Variants in ITPR2 observed in about 807,000 individuals in gnomAD.
The protein encoded by ITPR2 is inositol 1,4,5-trisphosphate-gated calcium channel ITPR2.
In ITPR2, 207 loss-of-function variants were observed where a neutral mutation model predicts 317.1. The ratio of observed to expected loss-of-function variants is 0.65; its 90% CI spans 0.58 to 0.73. ITPR2 has a LOEUF of 0.73. Among genes scored for constraint, ITPR2 ranks in the 30% least tolerant of loss-of-function variants. The pLI is 0.00. For synonymous variants in ITPR2, 1,156 were observed against 1,149.1 expected (o/e 1.01, Z -0.12); for missense variants, 2,613 against 3,284.0 (o/e 0.80, Z 4.99).
chr12:26,628,037 T>C lies in ITPR2; in HGVS notation c.3060A>G (p.Pro1020=). ...AATACTGTCACAAAAAGATACCTGA[T>C]GGTAGTAAAGTGTCTGGAGATCCAC... is the stretch of plus-strand genomic sequence containing the variant. ...SASGSPDTLL[P]SAIVPDIDEI... The change falls in exon 23 of 57, where the codon CCA becomes CCG. Residue 1020 remains proline (P), a synonymous_variant. Coordinates refer to ENST00000381340, the MANE Select transcript of ITPR2 (RefSeq NM_002223.4). 3 of 1,604,862 alleles carry C rather than the reference T, an allele frequency of 1.9e-6. No individual in the cohort carries two copies. Among genetic ancestry groups the C allele is most frequent in the African/African-American group, 1.3e-5 (1 of 74,490 alleles).
intron 30 of ITPR2, among the ~76,000 whole-genome samples, chr12:26,598,791 T>G (rs1485009523): frequency 2.6e-5 from 4 of 152,188 alleles, no homozygotes; most frequent in African/African-American, 9.7e-5. Context: ...ATAAAGGCAC[T>G]GGAAAAGCAC....
chr12:26,379,758 C>T (rs1322432707), intron 55 of ITPR2, among the ~76,000 whole-genome samples: 1 of 152,094 alleles, frequency 6.6e-6, no homozygotes. Context: ...TTCTAACTGG[C>T]CCATTATACA....
At chr12:26,587,314 G>A (rs1945554590) in intron 32 of ITPR2, among the ~76,000 whole-genome samples, 1 of 150,852 alleles carries the variant, frequency 6.6e-6, no homozygotes, top group South Asian at 2.1e-4. Flanking sequence ...AATGTCAGGT[G>A]GTAATAAATT....
At chr12:26,819,098 G>A (rs989254767) in intron 1 of ITPR2, among the ~76,000 whole-genome samples, 1 of 152,154 alleles carries the variant, frequency 6.6e-6, no homozygotes, top group African/African-American at 2.4e-5. Flanking sequence ...TAGGATGTTA[G>A]AACCAGAAGA....
chr12:26,359,792 A>G (rs1938764189), intron 55 of ITPR2, among the ~76,000 whole-genome samples: 1 of 152,072 alleles, frequency 6.6e-6, no homozygotes, highest in African/African-American at 2.4e-5. Context: ...TTCAGGGACA[A>G]GCACATGGCG....
chr12:26,736,159 G>T (rs1207631474), intron 2 of ITPR2, among the ~76,000 whole-genome samples: 1 of 152,084 alleles, frequency 6.6e-6, no homozygotes, highest in Non-Finnish European at 1.5e-5. Flanking sequence ...GTGGGGGGAG[G>T]TCTCCTATCA....
At chr12:26,578,638 T>G in intron 34 of ITPR2, 75 bp downstream of exon 34, 1 of 1,338,338 alleles carries the variant, frequency 7.5e-7, no homozygotes, top group Non-Finnish European at 1.0e-6. Flanking sequence ...GGGAAGCTGC[T>G]TGTGTTGCCC....
At chr12:26,486,668 T>C in intron 40 of ITPR2, 1 of 510,276 alleles carries the variant, frequency 2.0e-6, no homozygotes, top group South Asian at 1.7e-5. Flanking sequence ...CTTCAAAATG[T>C]TAATGTCTTT....
At chr12:26,387,669 C>T (rs1939705013) in intron 54 of ITPR2, 75 bp from the exon 55 acceptor site, 10 of 1,379,634 alleles carry the variant, frequency 7.2e-6, no homozygotes, top group Non-Finnish European at 9.9e-6. Context: ...AAAAACAAAA[C>T]ACAATAATTA....
chr12:26,537,745 T>C (rs139801046), intron 37 of ITPR2, among the ~76,000 whole-genome samples: 3,009 of 152,318 alleles, frequency 0.02, 71 homozygotes, highest in Non-Finnish European at 0.035. Flanking sequence ...AGTAATATAG[T>C]CTATATTGAG....
chr12:26,499,219 T>C (rs548990673), intron 37 of ITPR2, among the ~76,000 whole-genome samples: 4 of 152,354 alleles, frequency 2.6e-5, no homozygotes, highest in Admixed American at 2.6e-4. Flanking sequence ...TATTTTTAAA[T>C]TCTCTTCGGC....
chr12:26,387,295 CA>C, intron 55 of ITPR2, 138 bp downstream of exon 55: 1 of 777,082 alleles, frequency 1.3e-6, no homozygotes. Context: ...AGATGTTCTT[CA>C]GTGATTGACA....
At chr12:26,592,578 T>C (rs952857338) in intron 32 of ITPR2, among the ~76,000 whole-genome samples, 1 of 152,148 alleles carries the variant, frequency 6.6e-6, no homozygotes, top group Admixed American at 6.5e-5. Flanking sequence ...AAGAAAAAAG[T>C]AGTAAGCTCA....
intron 45 of ITPR2, among the ~76,000 whole-genome samples, chr12:26,447,059 G>A (rs1941625244): frequency 6.6e-6 from 1 of 151,856 alleles, no homozygotes. Flanking sequence ...CTCTCCAGTG[G>A]TCTGTGACAT....
Position 26,428,076 on chromosome 12 carries a change from G to T in ITPR2, c.6782C>A (p.Pro2261Gln). ...TATCCAAAGAAGAACCGAGAACAAT[G>T]GAGAAAGTGTACCTGTAAAATGTGG... Reference protein sequence around the residue: ...GDDGDEGTLSPLFSVLLWIAV... With the variant: ...GDDGDEGTLSQLFSVLLWIAV... The change falls in exon 49 of 57, where the codon CCA (proline) becomes CAA (glutamine). Residue 2261 changes from proline (P) to glutamine (Q), a missense_variant. Pro to Gln is a moderately conservative substitution (Grantham distance 76, BLOSUM62 -1). Around this residue, in one of 9 missense-constraint regions of ITPR2, gnomAD observed 926 missense variants for 1,072.8 expected, o/e 0.86. Transcript: ENST00000381340. The T allele has an allele frequency of 1.9e-6, 3 of 1,597,676 alleles. No homozygotes were observed. Among genetic ancestry groups the T allele is most frequent in the Admixed American group, 1.8e-5 (1 of 55,882 alleles).
intron 39 of ITPR2, among the ~76,000 whole-genome samples, chr12:26,489,696 T>C (rs990769321): frequency 1.3e-5 from 2 of 152,234 alleles, no homozygotes; most frequent in South Asian, 2.1e-4. Context: ...GTACCTCCTA[T>C]ACCTTCTCCT....
At position 26,622,280 on chromosome 12, in the gene ITPR2, T is replaced by C; in HGVS notation, c.3248A>G (p.His1083Arg). The C allele has an allele frequency of 6.2e-7, 1 of 1,613,826 alleles. No homozygotes were observed. Among genetic ancestry groups the C allele is most frequent in the Non-Finnish European group, 8.5e-7 (1 of 1,179,862 alleles). ...TAAAACCTCTGCCCTCTGGCTGAAG[T>C]GCTTAAACAACAGCTGCAGGGCTCC... ...LSGALQLLFK[H>R]FSQRAEVLQA... Residue 1083 changes from histidine to arginine, a missense_variant, in exon 25 of 57, where the codon CAC becomes CGC. His to Arg is a conservative substitution (Grantham distance 29, BLOSUM62 0). This residue lies in a region of ITPR2 where 817 missense variants were observed against 897.6 expected (regional missense o/e 0.91). Coordinates refer to ENST00000381340, the MANE Select transcript of ITPR2 (RefSeq NM_002223.4).
At position 26,511,816 on chromosome 12, in the gene ITPR2, A is replaced by G. The variant is rs1236410088; in HGVS notation, c.5074-16556T>C. Reference sequence around the variant, plus strand: ...ATAGACAGCTGGAGGCTGGTAGAACATAGCTACAAATCAAGTCTTGAAGTC... The same window carrying G: ...ATAGACAGCTGGAGGCTGGTAGAACGTAGCTACAAATCAAGTCTTGAAGTC... On this transcript the variant is annotated intron_variant, in intron 37 of 56. Transcript: ENST00000381340. Among the ~76,000 whole-genome samples, 5 of 152,214 alleles carry G rather than the reference A, an allele frequency of 3.3e-5. No individual in the cohort carries two copies. In the East Asian group the frequency reaches 7.7e-4, roughly 23 times the overall value.
chr12:26,552,862 T>C (rs1050797571), intron 36 of ITPR2, among the ~76,000 whole-genome samples: 2 of 152,216 alleles, frequency 1.3e-5, no homozygotes, highest in African/African-American at 4.8e-5. Flanking sequence ...TCTTTAACTC[T>C]TCCTTAGATA....
Sources: allele counts gnomAD v4.1 joint callset (sites outside exome capture counted in the v4.1 genomes callset), GRCh38; gene constraint gnomAD v4.1.1; regional missense constraint gnomAD v4.1.1; transcripts MANE v1.5; gene names NCBI Gene and HGNC (gene_info 2026-07-23, HGNC 2026-07-21).